Variants in BAHCC1 observed in about 807,000 individuals in gnomAD.
The protein encoded by BAHCC1 is BAH domain and coiled-coil containing 1.
Under a neutral mutation model 88.2 loss-of-function variants are expected in BAHCC1, and 43 were observed. The ratio of observed to expected loss-of-function variants is 0.49; its 90% CI spans 0.38 to 0.63. BAHCC1 has a LOEUF of 0.63. Among genes scored for constraint, BAHCC1 ranks in the 20% least tolerant of loss-of-function variants. The pLI is 0.00. For missense variants in BAHCC1, 3,023 were observed against 1,654.8 expected, an observed-to-expected ratio of 1.83 and a Z score of -14.34; for synonymous variants, 1,510 against 745.5, an observed-to-expected ratio of 2.03 and a Z score of -16.71.
At chr17:81,448,186 G>A (rs1201774447) in intron 11 of BAHCC1, among the ~76,000 whole-genome samples, 2 of 152,198 alleles carry the variant, frequency 1.3e-5, no homozygotes, top group African/African-American at 2.4e-5. Context: ...AGAGCCTGCC[G>A]CCTGCCTCCT....
intron 2 of BAHCC1, chr17:81,407,008 T>C (rs781985251): frequency 2.2e-5 from 10 of 456,012 alleles, no homozygotes; most frequent in Middle Eastern, 6.5e-4. Flanking sequence ...GTTCCTGCCT[T>C]CCCTTCTCTC....
intron 10 of BAHCC1, 56 bp downstream of exon 10, chr17:81,445,737 C>A: frequency 1.4e-6 from 1 of 697,444 alleles, no homozygotes; most frequent in South Asian, 1.5e-5. Flanking sequence ...CCTCCCACCC[C>A]TGCCCGGCAG....
chr17:81,417,188 G>A lies in BAHCC1; in HGVS notation c.179-9612G>A, dbSNP rs146493328. Among the ~76,000 whole-genome samples, 236 of 152,302 alleles carry A rather than the reference G, an allele frequency of 1.5e-3. 1 individual carries two copies. Among genetic ancestry groups the A allele is most frequent in the Middle Eastern group, 3.4e-3 (1 of 294 alleles). On this transcript the variant is annotated intron_variant, in intron 2 of 27. Coordinates refer to ENST00000675386, the MANE Select transcript of BAHCC1 (RefSeq NM_001377448.1). ...CCCTGACATCTTCACCGGGGTGTCC[G>A]TCTCCCCGCAGCTGGCTGTCTCAAG...
chr17:81,430,769 C>T (rs1471035201), intron 3 of BAHCC1, among the ~76,000 whole-genome samples: 1 of 152,176 alleles, frequency 6.6e-6, no homozygotes, highest in Non-Finnish European at 1.5e-5. Flanking sequence ...CCTCCTTCCT[C>T]TCCCGGCCTC....
intron 2 of BAHCC1, among the ~76,000 whole-genome samples, chr17:81,410,516 C>G (rs1320629968): frequency 6.6e-6 from 1 of 152,202 alleles, no homozygotes; most frequent in Non-Finnish European, 1.5e-5. Context: ...GGACGCCCAC[C>G]CTCCAGCATG....
Position 81,399,849 on chromosome 17 carries a change from C to T in BAHCC1, c.110C>T (p.Ala37Val). ...CGTCTCGCCCCGGCTGGGCCCGCCG[C>T]GCAGCCCCCCGCACACTTCCAGCCG... ...AARLAPAGPA[A>V]QPPAHFQPGK... is the part of the protein sequence containing the mutation. Residue 37 changes from alanine (A) to valine (V), a missense_variant, in exon 2 of 28, where the codon GCG becomes GTG. By Grantham distance (64) the Ala-to-Val change is moderately conservative (BLOSUM62 0). Transcript: ENST00000675386. This position sits in a 1 kb window ranked among gnomAD's most constrained non-coding sequence, Gnocchi z 4.5. 2.2e-6 allele frequency: 3 copies of T among 1,387,556 alleles called. No homozygotes were observed. The highest frequency in any genetic ancestry group is 2.8e-6 in the Non-Finnish European group (3 of 1,068,312). 86.0% of individuals were successfully genotyped at this position (1,387,556 alleles called of 1,614,324 possible). A position where few individuals can be genotyped will look rare whatever the true frequency, so the allele number is the denominator to read the frequency against.
intron 2 of BAHCC1, chr17:81,401,989 G>C (rs1443443910): frequency 6.6e-6 from 1 of 152,366 alleles, no homozygotes; most frequent in Non-Finnish European, 1.5e-5. Context: ...TGGCCACGTG[G>C]TTCTTGGCGT....
chr17:81,400,658 G>C (rs1385190014), intron 2 of BAHCC1: 1 of 152,920 alleles, frequency 6.5e-6, no homozygotes, highest in Non-Finnish European at 1.5e-5. Context: ...TTTGCTCCAA[G>C]AGGAGAGCGA....
At position 81,455,359 on chromosome 17, in the gene BAHCC1, G is replaced by A; in HGVS notation, c.4538G>A (p.Ser1513Asn). The stretch of plus-strand genomic sequence containing the variant: ...AAGAAGCGAAGCAAGCTGGAGAGGA[G>A]CGTCTATGCGGGCCTGCAGACTGCC... ...PAKKRSKLER[S>N]VYAGLQTASV... is the part of the protein sequence containing the mutation. The change falls in exon 15 of 28, where the codon AGC becomes AAC. Residue 1513 changes from serine to asparagine, a missense_variant. Ser to Asn is a conservative substitution (Grantham distance 46). Transcript: ENST00000675386. The A allele has an allele frequency of 1.4e-6, 1 of 716,744 alleles. No homozygotes were observed. The highest frequency in any genetic ancestry group is 2.7e-5 in the East Asian group (1 of 37,286). The allele number at this position is 716,744 out of a possible 1,614,324, so 44.4% of individuals were successfully genotyped here.
At chr17:81,398,023 A>G (rs1237385479) in intron 1 of BAHCC1, among the ~76,000 whole-genome samples, 6 of 152,238 alleles carry the variant, frequency 3.9e-5, no homozygotes, top group Non-Finnish European at 5.9e-5. Context: ...ATCGCAATTT[A>G]AAAAGGTATT....
At chr17:81,462,182 G>A (rs1400171874) in intron 26 of BAHCC1, 136 bp downstream of exon 26, 1 of 596,830 alleles carries the variant, frequency 1.7e-6, no homozygotes, top group South Asian at 2.0e-5. Context: ...AAAACTCAAG[G>A]GAAGAACAAA....
Position 81,459,523 on chromosome 17 carries a change from C to A in BAHCC1, c.5824C>A (p.Arg1942=). Residue 1942 remains arginine, a synonymous_variant, in exon 23 of 28, where the codon CGG becomes AGG. Coordinates refer to ENST00000675386, the MANE Select transcript of BAHCC1 (RefSeq NM_001377448.1). ...TCTCGATGTGCGGCCACAGTCCAGC[C>A]GGTACCTCCCGCCCGGCACGCGGGT... is the stretch of plus-strand genomic sequence containing the variant. ...AVLDVRPQSS[R]YLPPGTRVCA... is the part of the protein sequence containing the mutation. 1 of 779,578 alleles carries A rather than the reference C, an allele frequency of 1.3e-6. No homozygotes were observed. The highest frequency in any genetic ancestry group is 1.3e-5 in the South Asian group (1 of 74,624). The allele number at this position is 779,578 out of a possible 1,614,324, so 48.3% of individuals were successfully genotyped here.
chr17:81,463,114 C>T, intron 27 of BAHCC1, 138 bp downstream of exon 27: 2 of 616,300 alleles, frequency 3.2e-6, no homozygotes, highest in Admixed American at 2.7e-5. Context: ...CACGGCCCTG[C>T]AGGGAGCCGC....
chr17:81,409,002 C>G (rs578104780), intron 2 of BAHCC1, among the ~76,000 whole-genome samples: 11 of 152,344 alleles, frequency 7.2e-5, no homozygotes, highest in Non-Finnish European at 1.6e-4. Context: ...CTCTGCTTTT[C>G]CCCTAGGATT....
chr17:81,460,198 C>G (rs1598514915), intron 23 of BAHCC1, 79 bp from the exon 24 acceptor site: 2 of 690,544 alleles, frequency 2.9e-6, no homozygotes, highest in East Asian at 5.4e-5. Context: ...ACCCTCCCCA[C>G]CGGCTTTGGC....
chr17:81,440,161 ACAG>A, intron 4 of BAHCC1, among the ~76,000 whole-genome samples: 1 of 152,132 alleles, frequency 6.6e-6, no homozygotes, highest in East Asian at 1.9e-4. Context: ...TGCCCAGAGG[ACAG>A]CCCCGCAGGC....
chr17:81,448,164 C>A (rs1403514448), intron 11 of BAHCC1, among the ~76,000 whole-genome samples: 1 of 152,180 alleles, frequency 6.6e-6, no homozygotes, highest in Non-Finnish European at 1.5e-5. Flanking sequence ...CGCGTCCTGG[C>A]AAGGGGAGAG....
At chr17:81,407,965 A>G (rs1334186147) in intron 2 of BAHCC1, among the ~76,000 whole-genome samples, 2 of 152,054 alleles carry the variant, frequency 1.3e-5, no homozygotes, top group Non-Finnish European at 2.9e-5. Context: ...CGTCCTCCCC[A>G]ACTGCTCCAT....
rs782251162 is a variant in BAHCC1 at position 81,445,628 on chromosome 17, A to C, written c.3110A>C (p.Glu1037Ala). ...GPGSRVRSAE[E>A]KNGEGQQSTA... ...GGCTCCCGGGTGCGCAGCGCCGAGG[A>C]AAAGAATGGGGAGGGTCAGCAGTCC... Residue 1037 changes from glutamate to alanine, a missense_variant, in exon 10 of 28, where the codon GAA (glutamate) becomes GCA (alanine). Coordinates refer to ENST00000675386, the MANE Select transcript of BAHCC1 (RefSeq NM_001377448.1). The C allele has an allele frequency of 9.5e-6, 7 of 734,290 alleles. No homozygotes were observed. The highest frequency in any genetic ancestry group is 7.3e-5 in the South Asian group (5 of 68,622). The allele number at this position is 734,290 out of a possible 1,614,324, so 45.5% of individuals were successfully genotyped here.
Sources: allele counts gnomAD v4.1 joint callset (sites outside exome capture counted in the v4.1 genomes callset), GRCh38; gene constraint gnomAD v4.1.1; non-coding constraint Gnocchi (gnomAD v3.1); transcripts MANE v1.5; gene names NCBI Gene and HGNC (gene_info 2026-07-23, HGNC 2026-07-21).